Variants in KCNB2 observed in about 807,000 individuals in gnomAD.
The protein encoded by KCNB2 is potassium voltage-gated channel subfamily B member 2.
A neutral mutation model predicts 61.5 loss-of-function variants in KCNB2; 15 were observed. That is an observed-to-expected ratio of 0.24 (90% CI 0.16 to 0.38). KCNB2 has a LOEUF of 0.38. Among genes scored for constraint, KCNB2 ranks in the 10% least tolerant of loss-of-function variants. The pLI, the probability that KCNB2 is intolerant of heterozygous loss-of-function variation, is 1.00. For synonymous variants in KCNB2, 457 were observed against 446.0 expected (o/e 1.02, Z -0.31); for missense variants, 828 against 1,125.2 (o/e 0.74, Z 3.78).
intron 2 of KCNB2, among the ~76,000 whole-genome samples, chr8:72,832,350 C>T (rs1182958309): frequency 3.9e-5 from 6 of 152,060 alleles, no homozygotes; most frequent in Admixed American, 3.9e-4. Flanking sequence ...AAGATAATTC[C>T]CTGAACTTAG....
At chr8:72,576,100 G>A (rs550274543) in intron 2 of KCNB2, among the ~76,000 whole-genome samples, 1 of 152,180 alleles carries the variant, frequency 6.6e-6, no homozygotes, top group South Asian at 2.1e-4. Flanking sequence ...ACATGGTATA[G>A]GAAAAAACAA....
At chr8:72,905,693 G>A (rs1407727868) in intron 2 of KCNB2, among the ~76,000 whole-genome samples, 1 of 152,100 alleles carries the variant, frequency 6.6e-6, no homozygotes, top group Non-Finnish European at 1.5e-5. Context: ...AACTGCTGTG[G>A]GTAAGAGGCA....
At chr8:72,864,544 C>T (rs1805481896) in intron 2 of KCNB2, among the ~76,000 whole-genome samples, 1 of 152,120 alleles carries the variant, frequency 6.6e-6, no homozygotes, top group African/African-American at 2.4e-5. Flanking sequence ...TAAGGTCAAC[C>T]TACAGTGTAC....
At chr8:72,797,351 A>G (rs1382464286) in intron 2 of KCNB2, among the ~76,000 whole-genome samples, 2 of 152,200 alleles carry the variant, frequency 1.3e-5, no homozygotes, top group Admixed American at 6.5e-5. Flanking sequence ...TCCAACTTCC[A>G]TGGCTTACTA....
At chr8:72,652,245 A>G (rs968209225) in intron 2 of KCNB2, among the ~76,000 whole-genome samples, 1 of 152,126 alleles carries the variant, frequency 6.6e-6, no homozygotes, top group Non-Finnish European at 1.5e-5. Flanking sequence ...CTGAAAAGTT[A>G]TTGTAATAAA....
At chr8:72,911,013 C>T (rs1806280298) in intron 2 of KCNB2, among the ~76,000 whole-genome samples, 1 of 152,152 alleles carries the variant, frequency 6.6e-6, no homozygotes, top group Non-Finnish European at 1.5e-5. Flanking sequence ...TTCTTGAATA[C>T]ACCATCCAAG....
Position 72,937,105 on chromosome 8 carries a change from G to A in KCNB2, c.1750G>A (p.Glu584Lys), listed in dbSNP as rs992807242. ...AATGGAAGAAGTGGTGTGTCCACAG[G>A]AGCAGCTGGCCGTGGCACAGACCGA... is the stretch of plus-strand genomic sequence containing the variant. ...IEMEEVVCPQ[E>K]QLAVAQTEVI... is the part of the protein sequence containing the mutation. The change falls in exon 3 of 3, where the codon GAG becomes AAG. Residue 584 changes from glutamate (E) to lysine (K), a missense_variant. Coordinates refer to ENST00000523207, the MANE Select transcript of KCNB2 (RefSeq NM_004770.3). 6.2e-7 allele frequency: 1 copy of A among 1,614,118 alleles called. No homozygotes were observed. The highest frequency in any genetic ancestry group is 8.5e-7 in the Non-Finnish European group (1 of 1,180,026).
intron 2 of KCNB2, chr8:72,751,689 G>A (rs1423330159): frequency 1.3e-5 from 2 of 152,140 alleles, no homozygotes; most frequent in Non-Finnish European, 1.5e-5. Context: ...AACTAGCTTA[G>A]TAATGTTTCC....
intron 2 of KCNB2, among the ~76,000 whole-genome samples, chr8:72,836,595 T>C (rs1265201329): frequency 1.3e-5 from 2 of 152,180 alleles, no homozygotes; most frequent in African/African-American, 2.4e-5. Flanking sequence ...TGTACCTTCT[T>C]ATTCTACTTT....
chr8:72,874,682 A>G (rs1805675003), intron 2 of KCNB2, among the ~76,000 whole-genome samples: 1 of 152,198 alleles, frequency 6.6e-6, no homozygotes, highest in African/African-American at 2.4e-5. Context: ...GCCGGAACCA[A>G]ACAACATCTG....
intron 2 of KCNB2, among the ~76,000 whole-genome samples, chr8:72,732,685 T>TA (rs1255383844): frequency 6.6e-6 from 1 of 152,212 alleles, no homozygotes; most frequent in Non-Finnish European, 1.5e-5. Flanking sequence ...GTAGGTTGCA[T>TA]AAGCATGACT....
chr8:72,775,265 G>A (rs777079074), intron 2 of KCNB2, among the ~76,000 whole-genome samples: 7 of 152,162 alleles, frequency 4.6e-5, no homozygotes, highest in East Asian at 1.9e-4. Context: ...GGAGGTGGTG[G>A]TGGACCCCAA....
intron 2 of KCNB2, among the ~76,000 whole-genome samples, chr8:72,714,775 A>G (rs1807397206): frequency 6.6e-6 from 1 of 152,184 alleles, no homozygotes; most frequent in South Asian, 2.1e-4. Flanking sequence ...TAACCAGCTA[A>G]CATCATAATG....
chr8:72,915,275 G>A (rs558485780), intron 2 of KCNB2, among the ~76,000 whole-genome samples: 62 of 152,204 alleles, frequency 4.1e-4, no homozygotes, highest in Middle Eastern at 3.4e-3. Context: ...AAACAGATAA[G>A]GACAATGGAA....
intron 2 of KCNB2, among the ~76,000 whole-genome samples, chr8:72,684,669 G>A (rs899591844): frequency 2.6e-5 from 4 of 152,168 alleles, no homozygotes; most frequent in East Asian, 3.9e-4. Context: ...GTACCATGGG[G>A]AACTCTTGAA....
chr8:72,568,472 T>A (rs758073619), intron 2 of KCNB2, among the ~76,000 whole-genome samples, 159 bp downstream of exon 2: 1 of 152,212 alleles, frequency 6.6e-6, no homozygotes, highest in Non-Finnish European at 1.5e-5. Flanking sequence ...TAGTCCAATA[T>A]AGTCATTCAT....
At chr8:72,569,162 A>C (rs1349831351) in intron 2 of KCNB2, among the ~76,000 whole-genome samples, 1 of 152,184 alleles carries the variant, frequency 6.6e-6, no homozygotes, top group African/African-American at 2.4e-5. Context: ...TCTGTATTGC[A>C]GTATGAATGA....
At chr8:72,706,670 G>A (rs950108844) in intron 2 of KCNB2, among the ~76,000 whole-genome samples, 1 of 152,098 alleles carries the variant, frequency 6.6e-6, no homozygotes, top group African/African-American at 2.4e-5. Context: ...AAACATGACT[G>A]GTCTTTTCAT....
At chr8:72,544,150 T>A (rs1806228061) in intron 1 of KCNB2, among the ~76,000 whole-genome samples, 1 of 151,816 alleles carries the variant, frequency 6.6e-6, no homozygotes, top group Non-Finnish European at 1.5e-5. Flanking sequence ...ATTCCCCAAG[T>A]GGAAAAGGAG....
Sources: gnomAD v4.1 joint callset for allele counts (sites outside exome capture counted in the v4.1 genomes callset) on GRCh38, gnomAD v4.1.1 for gene constraint, MANE v1.5 for transcripts, NCBI Gene and HGNC (gene_info 2026-07-23, HGNC 2026-07-21) for gene names.